Variants in UHRF1 observed in about 807,000 individuals in gnomAD.
UHRF1 encodes ubiquitin like with PHD and ring finger domains 1.
A neutral mutation model predicts 96.5 loss-of-function variants in UHRF1; 9 were observed. The ratio of observed to expected loss-of-function variants is 0.09; its 90% CI spans 0.06 to 0.16. UHRF1 has a LOEUF of 0.16. Ranked by LOEUF, UHRF1 falls within the 10% of genes least tolerant of loss-of-function variation. The pLI is 1.00. For missense variants in UHRF1, 626 were observed against 1,131.1 expected, an observed-to-expected ratio of 0.55 and a Z score of 6.40; for synonymous variants, 455 against 469.9, an observed-to-expected ratio of 0.97 and a Z score of 0.41.
intron 10 of UHRF1, 24 bp downstream of exon 10, chr19:4,945,989 G>A: frequency 1.6e-6 from 2 of 1,261,042 alleles, no homozygotes; most frequent in African/African-American, 3.0e-5. Flanking sequence ...TGGGAGGGGT[G>A]GGGGAGGGTT....
At chr19:4,908,164 A>G (rs1182546279), upstream of UHRF1, among the ~76,000 whole-genome samples, 2 of 152,164 alleles carry the variant, frequency 1.3e-5, no homozygotes, top group Non-Finnish European at 2.9e-5. Flanking sequence ...TCATTAACTG[A>G]ATCACACCTG....
intron 2 of UHRF1, among the ~76,000 whole-genome samples, chr19:4,914,646 A>G (rs968349428): frequency 2.0e-5 from 3 of 146,396 alleles, no homozygotes; most frequent in Admixed American, 1.4e-4. Context: ...TGCGGCCCCC[A>G]CCCCTCAATC....
At chr19:4,956,550 C>T (rs137979710) in intron 15 of UHRF1, among the ~76,000 whole-genome samples, 159 bp from the exon 16 acceptor site, 1 of 152,310 alleles carries the variant, frequency 6.6e-6, no homozygotes, top group East Asian at 1.9e-4. Context: ...TGTTGGGCCT[C>T]TGTTTTTCTC....
At position 4,954,912 on chromosome 19, in the gene UHRF1, T is replaced by C; in HGVS notation, c.2130+90T>C. ...GTTTCCCATGTTCCCCATTTTCAAG[T>C]GTACAGCTCAGTCGCACTGAGTACA... On this transcript the variant is annotated intron_variant, in intron 15 of 16. Coordinates refer to ENST00000650932, the MANE Select transcript of UHRF1 (RefSeq NM_001048201.3). This position sits in a 1 kb window ranked among gnomAD's most constrained non-coding sequence, Gnocchi z 5.9. 3 of 1,512,128 alleles carry C rather than the reference T, an allele frequency of 2.0e-6. No homozygotes were observed. The highest frequency in any genetic ancestry group is 1.8e-5 in the Admixed American group (1 of 54,760). 93.7% of individuals were successfully genotyped at this position (1,512,128 alleles called of 1,614,324 possible). A position where few individuals can be genotyped will look rare whatever the true frequency, so the allele number is the denominator to read the frequency against.
chr19:4,927,296 G>A (rs990837664), intron 2 of UHRF1, among the ~76,000 whole-genome samples: 8 of 143,492 alleles, frequency 5.6e-5, no homozygotes, highest in South Asian at 4.4e-4. Flanking sequence ...CACAAGAATC[G>A]CTTGAACCTG....
At position 4,950,524 on chromosome 19, in the gene UHRF1, C is replaced by T. The variant is rs909749621; in HGVS notation, c.1518-87C>T. On this transcript the variant is annotated intron_variant, in intron 11 of 16. Transcript: ENST00000650932. ...CTCCCAAAGTGCTGGGATTACAGGC[C>T]TGAGCCACCACTCCCGGCTCCTGTG... The T allele has an allele frequency of 2.1e-6, 3 of 1,440,588 alleles. No individual in the cohort carries two copies. In the South Asian group the frequency reaches 4.1e-5, roughly 20 times the overall value. 89.2% of individuals were successfully genotyped at this position (1,440,588 alleles called of 1,614,324 possible).
chr19:4,916,915 G>C (rs1158160685), intron 2 of UHRF1, among the ~76,000 whole-genome samples: 1 of 152,160 alleles, frequency 6.6e-6, no homozygotes, highest in African/African-American at 2.4e-5. Context: ...TCTTTGCTGA[G>C]CTCCTAAACT....
intron 16 of UHRF1, among the ~76,000 whole-genome samples, 192 bp downstream of exon 16, chr19:4,957,005 C>CATT (rs1568185877): frequency 6.6e-6 from 1 of 152,204 alleles, no homozygotes; most frequent in African/African-American, 2.4e-5. Context: ...ACATTCTCCC[C>CATT]CAAGTCCTGT....
chr19:4,954,683 G>A lies in UHRF1; in HGVS notation c.1991G>A (p.Arg664Gln), dbSNP rs549281269. 3.0e-5 allele frequency: 48 copies of A among 1,613,310 alleles called. No homozygotes were observed. Among genetic ancestry groups the A allele is most frequent in the Middle Eastern group, 3.3e-4 (2 of 6,054 alleles). Residue 664 changes from arginine to glutamine, a missense_variant, in exon 15 of 17, where the codon CGG becomes CAG. Arg to Gln is a conservative substitution (Grantham distance 43, BLOSUM62 1). Coordinates refer to ENST00000650932, the MANE Select transcript of UHRF1 (RefSeq NM_001048201.3). The surrounding 1 kb of genome is among the most constrained non-coding windows in gnomAD (Gnocchi z 5.9). ...GGPSRAGSPR[R>Q]TSKKTKVEPY... Reference sequence around the variant, plus strand: ...CCGAGCAGGGCCGGGTCCCCGCGCCGGACATCCAAGAAAACCAAGGTGGAG... The same window carrying A: ...CCGAGCAGGGCCGGGTCCCCGCGCCAGACATCCAAGAAAACCAAGGTGGAG...
intron 5 of UHRF1, among the ~76,000 whole-genome samples, chr19:4,937,293 C>CTTTTTTTTTTTTTT (rs11411657): frequency 8.0e-6 from 1 of 125,440 alleles, no homozygotes; most frequent in African/African-American, 3.1e-5. Flanking sequence ...AGATGGGCCA[C>CTTTTTTTTTTTTTT]TTTTTTTTTT....
chr19:4,957,058 G>T (rs1441102763), intron 16 of UHRF1, among the ~76,000 whole-genome samples: 1 of 152,172 alleles, frequency 6.6e-6, no homozygotes, highest in Non-Finnish European at 1.5e-5. Flanking sequence ...CCACAGTCTT[G>T]GCCTAAGGTC....
At chr19:4,904,135 G>T (rs1158346458) in intron 1 of UHRF1, among the ~76,000 whole-genome samples, 2 of 151,402 alleles carry the variant, frequency 1.3e-5, no homozygotes, top group Non-Finnish European at 2.9e-5. Flanking sequence ...GGGGTTACAG[G>T]CACCTGCCCC....
At chr19:4,911,577 C>CT (rs2032276886) in intron 2 of UHRF1, among the ~76,000 whole-genome samples, 2 of 152,204 alleles carry the variant, frequency 1.3e-5, no homozygotes, top group African/African-American at 4.8e-5. Flanking sequence ...GCCTGCTGTG[C>CT]TGCGGCTGCT....
intron 11 of UHRF1, 55 bp downstream of exon 11, chr19:4,947,266 G>A: frequency 6.5e-7 from 1 of 1,532,236 alleles, no homozygotes. Context: ...CCGAGTCTTG[G>A]TTCTGTTTTG....
At chr19:4,945,478 T>C (rs530283189) in intron 9 of UHRF1, among the ~76,000 whole-genome samples, 38 of 152,066 alleles carry the variant, frequency 2.5e-4, no homozygotes, top group African/African-American at 9.2e-4. Context: ...AGGCTGGTCT[T>C]GAACTCCTGA....
At chr19:4,909,899 G>A (rs1471594895) in intron 1 of UHRF1, 1 of 371,926 alleles carries the variant, frequency 2.7e-6, no homozygotes, top group Non-Finnish European at 4.8e-6. Context: ...GGTGGGGGAG[G>A]GCCTGGCGAG....
intron 2 of UHRF1, among the ~76,000 whole-genome samples, chr19:4,923,659 C>G (rs1017255384): frequency 2.0e-5 from 3 of 152,232 alleles, no homozygotes; most frequent in Non-Finnish European, 2.9e-5. Flanking sequence ...GAGGGCCGCT[C>G]TAGCTTGGGT....
At chr19:4,924,224 A>G (rs1242460808) in intron 2 of UHRF1, among the ~76,000 whole-genome samples, 1 of 151,992 alleles carries the variant, frequency 6.6e-6, no homozygotes, top group African/African-American at 2.4e-5. Flanking sequence ...ATCTCGGCTC[A>G]CGGCAAGCTC....
chr19:4,907,061 C>T (rs1389510560), upstream of UHRF1, among the ~76,000 whole-genome samples: 1 of 152,192 alleles, frequency 6.6e-6, no homozygotes, highest in Non-Finnish European at 1.5e-5. Context: ...AATGCAGGAG[C>T]TTCCCAAGGC....
Sources: allele counts gnomAD v4.1 joint callset (sites outside exome capture counted in the v4.1 genomes callset), GRCh38; gene constraint gnomAD v4.1.1; non-coding constraint Gnocchi (gnomAD v3.1); transcripts MANE v1.5; gene names NCBI Gene and HGNC (gene_info 2026-07-23, HGNC 2026-07-21).